NALCN: variants seen among roughly 807,000 people sequenced by gnomAD.
NALCN encodes sodium leak channel, non-selective, also known as sodium leak channel NALCN.
A neutral mutation model predicts 225.3 loss-of-function variants in NALCN; 111 were observed. The ratio of observed to expected loss-of-function variants is 0.49; its 90% CI spans 0.42 to 0.58. The LOEUF (loss-of-function observed/expected upper bound fraction) is 0.58. Ranked by LOEUF, NALCN falls within the 20% of genes least tolerant of loss-of-function variation. The probability of loss-of-function intolerance (pLI) is 0.00; values close to 1 mark genes in which losing one functional copy is unlikely to be tolerated. For missense variants in NALCN, 1,378 were observed against 2,202.4 expected (o/e 0.63, Z 7.49); for synonymous variants, 764 against 769.0 (o/e 0.99, Z 0.11).
intron 15 of NALCN, 29 bp from the exon 16 acceptor site, chr13:101,144,925 A>G: frequency 6.3e-7 from 1 of 1,594,414 alleles, no homozygotes. Context: ...GAAGAAAAAA[A>G]GGGGGAACCT....
chr13:101,264,591 C>T (rs541090198), intron 10 of NALCN, among the ~76,000 whole-genome samples: 9 of 152,260 alleles, frequency 5.9e-5, no homozygotes, highest in Non-Finnish European at 1.2e-4. Context: ...ATCTTTAACA[C>T]GGTTCCCAGG....
intron 27 of NALCN, among the ~76,000 whole-genome samples, chr13:101,096,602 T>C (rs1447988585): frequency 6.6e-6 from 1 of 152,136 alleles, no homozygotes. Context: ...TTAAGAGACA[T>C]AGGGTTTCTT....
intron 31 of NALCN, 96 bp downstream of exon 31, chr13:101,083,615 C>T (rs1004230705): frequency 6.8e-6 from 8 of 1,173,574 alleles, no homozygotes; most frequent in African/African-American, 1.5e-5. Flanking sequence ...AACCTCCCAG[C>T]GGCCTCACGA....
At chr13:101,351,115 A>G (rs1306384375) in intron 6 of NALCN, among the ~76,000 whole-genome samples, 1 of 152,116 alleles carries the variant, frequency 6.6e-6, no homozygotes, top group Non-Finnish European at 1.5e-5. Flanking sequence ...TTCTGAATAA[A>G]TGAATGAATG....
At chr13:101,209,395 C>T (rs1421137487) in intron 13 of NALCN, among the ~76,000 whole-genome samples, 1 of 152,108 alleles carries the variant, frequency 6.6e-6, no homozygotes, top group East Asian at 1.9e-4. Context: ...TGTATATTTG[C>T]TAGAAAAATT....
chr13:101,116,304 T>C (rs1031729709), intron 18 of NALCN: 1 of 151,266 alleles, frequency 6.6e-6, no homozygotes, highest in Non-Finnish European at 1.4e-5. Context: ...TTGCTCCTTA[T>C]ATGACAGCCA....
At chr13:101,268,002 A>C (rs60329179) in intron 10 of NALCN, among the ~76,000 whole-genome samples, 9 of 152,296 alleles carry the variant, frequency 5.9e-5, no homozygotes, top group African/African-American at 2.2e-4. Context: ...AATGGAAGTG[A>C]TGCATCACTT....
chr13:101,097,938 G>A (rs1329288313), intron 27 of NALCN, among the ~76,000 whole-genome samples: 1 of 152,178 alleles, frequency 6.6e-6, no homozygotes, highest in African/African-American at 2.4e-5. Flanking sequence ...ATCATTGTGT[G>A]AGAAGCATTC....
intron 6 of NALCN, among the ~76,000 whole-genome samples, chr13:101,363,642 T>C (rs1192887571): frequency 1.3e-5 from 2 of 151,936 alleles, no homozygotes; most frequent in African/African-American, 2.4e-5. Flanking sequence ...GAAGAAAACA[T>C]TGGGTAAATG....
chr13:101,221,122 A>G (rs1007544127), intron 13 of NALCN, among the ~76,000 whole-genome samples: 2 of 151,740 alleles, frequency 1.3e-5, no homozygotes, highest in African/African-American at 4.8e-5. Context: ...AAAATTTAAA[A>G]ATTTCTGAAA....
At chr13:101,379,292 G>A (rs2046780488) in intron 3 of NALCN, among the ~76,000 whole-genome samples, 1 of 152,108 alleles carries the variant, frequency 6.6e-6, no homozygotes, top group African/African-American at 2.4e-5. Context: ...TTCAACCATT[G>A]TGAAAGACAG....
Position 101,292,473 on chromosome 13 carries a change from A to G in NALCN, c.800-107T>C. 8.5e-7 allele frequency: 1 copy of G among 1,182,094 alleles called. No individual in the cohort carries two copies. Among genetic ancestry groups the G allele is most frequent in the South Asian group, 1.8e-5 (1 of 56,952 alleles). The allele number at this position is 1,182,094 out of a possible 1,614,324, so 73.2% of individuals were successfully genotyped here. ...TATCCATACTTATTTTCTCAATGAC[A>G]AAAGTGCTTCAAAAATTGATTAGAA... On this transcript the variant is annotated intron_variant, in intron 7 of 43. Coordinates refer to ENST00000251127, the MANE Select transcript of NALCN (RefSeq NM_052867.4). This position sits in a 1 kb window ranked among gnomAD's most constrained non-coding sequence, Gnocchi z 4.3.
intron 6 of NALCN, among the ~76,000 whole-genome samples, chr13:101,359,196 T>G (rs1177110059): frequency 6.6e-6 from 1 of 151,788 alleles, no homozygotes; most frequent in African/African-American, 2.4e-5. Context: ...AAGTAAAAAT[T>G]TTTTAAAAAG....
intron 2 of NALCN, among the ~76,000 whole-genome samples, chr13:101,396,787 T>C (rs2139495332): frequency 6.6e-6 from 1 of 152,090 alleles, no homozygotes; most frequent in East Asian, 1.9e-4. Context: ...GTGTTTTTAG[T>C]TTAAAGACAT....
At chr13:101,360,140 CTCTCTT>C (rs2046196922) in intron 6 of NALCN, among the ~76,000 whole-genome samples, 2 of 138,906 alleles carry the variant, frequency 1.4e-5, no homozygotes, top group African/African-American at 5.5e-5. Flanking sequence ...TTCTTTCTTT[CTCTCTT>C]TTTTTCTTTC....
At chr13:101,204,899 A>G (rs768564107) in intron 13 of NALCN, among the ~76,000 whole-genome samples, 36 of 152,164 alleles carry the variant, frequency 2.4e-4, no homozygotes, top group Non-Finnish European at 5.1e-4. Context: ...TTAATTGTCC[A>G]TTATTTAATA....
chr13:101,057,318 A>G (rs1170538136), intron 43 of NALCN: 1 of 153,548 alleles, frequency 6.5e-6, no homozygotes, highest in African/African-American at 2.4e-5. Flanking sequence ...ATAGAAGAAA[A>G]TTCTCTTACT....
intron 10 of NALCN, among the ~76,000 whole-genome samples, chr13:101,262,615 A>AT (rs2042466596): frequency 6.6e-6 from 1 of 152,164 alleles, no homozygotes; most frequent in Non-Finnish European, 1.5e-5. Flanking sequence ...TCAAAGAGCT[A>AT]TTTTCCTTAG....
At chr13:101,072,368 G>C (rs1054374561) in intron 37 of NALCN, among the ~76,000 whole-genome samples, 1 of 152,148 alleles carries the variant, frequency 6.6e-6, no homozygotes, top group Non-Finnish European at 1.5e-5. Flanking sequence ...TGAGGAGTAA[G>C]CCCCATTCTT....
Sources: gnomAD v4.1 joint callset for allele counts (sites outside exome capture counted in the v4.1 genomes callset) on GRCh38, gnomAD v4.1.1 for gene constraint, Gnocchi (gnomAD v3.1) non-coding constraint, MANE v1.5 for transcripts, NCBI Gene and HGNC (gene_info 2026-07-23, HGNC 2026-07-21) for gene names.